The following SEMA6D variants were observed in gnomAD, a reference collection of about 807,000 sequenced individuals.
The protein encoded by SEMA6D is semaphorin-6D.
SEMA6D carries 35 observed loss-of-function variants against 106.6 expected under a neutral mutation model. The ratio of observed to expected loss-of-function variants is 0.33; its 90% confidence interval spans 0.25 to 0.44. The LOEUF (loss-of-function observed/expected upper bound fraction) is 0.44, where lower values mean the gene tolerates loss of function less well. SEMA6D is among the 20% of genes least tolerant of loss of function. The pLI, the probability that SEMA6D is intolerant of heterozygous loss-of-function variation, is 1.00. For synonymous variants in SEMA6D, 499 were observed against 487.7 expected (o/e 1.02, Z -0.31); for missense variants, 1,185 against 1,345.9 (o/e 0.88, Z 1.87).
intron 1 of SEMA6D, chr15:47,396,607 G>C (rs1465771877): frequency 1.3e-5 from 2 of 152,210 alleles, no homozygotes; most frequent in Non-Finnish European, 2.9e-5. Flanking sequence ...AGCCAGTCTA[G>C]TCCTTCCGCA....
chr15:47,689,420 G>A (rs1249349750), intron 4 of SEMA6D, among the ~76,000 whole-genome samples: 7 of 152,222 alleles, frequency 4.6e-5, no homozygotes, highest in Non-Finnish European at 8.8e-5. Flanking sequence ...ACACCAATGA[G>A]ATGGCAATAT....
At chr15:47,465,247 C>A (rs554936497) in intron 2 of SEMA6D, among the ~76,000 whole-genome samples, 1 of 152,228 alleles carries the variant, frequency 6.6e-6, no homozygotes, top group African/African-American at 2.4e-5. Flanking sequence ...TTGAAACATT[C>A]CTCATAAAAT....
chr15:47,397,622 A>ATTTTATTG (rs2040260009), intron 1 of SEMA6D: 1 of 152,146 alleles, frequency 6.6e-6, no homozygotes, highest in Non-Finnish European at 1.5e-5. Context: ...GTTAGAGGTG[A>ATTTTATTG]TTTTATTGTT....
At chr15:47,697,231 G>A (rs1039592051) in intron 4 of SEMA6D, among the ~76,000 whole-genome samples, 4 of 152,108 alleles carry the variant, frequency 2.6e-5, no homozygotes, top group African/African-American at 7.2e-5. Context: ...CAGGATGGAG[G>A]GCCCTGAATG....
At chr15:47,712,953 G>T (rs946147822), upstream of SEMA6D, among the ~76,000 whole-genome samples, 1 of 152,038 alleles carries the variant, frequency 6.6e-6, no homozygotes, top group Non-Finnish European at 1.5e-5. Flanking sequence ...CAAAAAGTTC[G>T]TTTTGCTTCT....
At chr15:47,478,301 G>T (rs550682336) in intron 3 of SEMA6D, among the ~76,000 whole-genome samples, 2 of 152,220 alleles carry the variant, frequency 1.3e-5, no homozygotes, top group African/African-American at 4.8e-5. Flanking sequence ...CTGTAGATGG[G>T]CAAAGAATGT....
intron 4 of SEMA6D, among the ~76,000 whole-genome samples, chr15:47,707,343 C>T (rs2078931777): frequency 6.6e-6 from 1 of 152,204 alleles, no homozygotes; most frequent in African/African-American, 2.4e-5. Flanking sequence ...ATCTACACCA[C>T]ACTAAGACCA....
chr15:47,325,031 G>C (rs1324764778), intron 1 of SEMA6D, among the ~76,000 whole-genome samples: 2 of 152,130 alleles, frequency 1.3e-5, no homozygotes, highest in African/African-American at 4.8e-5. Context: ...ATCCTTTGAT[G>C]AAAGTATCTT....
At chr15:47,573,541 G>A (rs983303272) in intron 3 of SEMA6D, among the ~76,000 whole-genome samples, 2 of 152,160 alleles carry the variant, frequency 1.3e-5, no homozygotes, top group Admixed American at 6.5e-5. Flanking sequence ...ATCCCATTTT[G>A]TTCATTCCCT....
intron 2 of SEMA6D, among the ~76,000 whole-genome samples, chr15:47,456,913 A>G (rs2042361699): frequency 1.3e-5 from 2 of 151,976 alleles, no homozygotes; most frequent in South Asian, 4.1e-4. Context: ...GGTCTCCATA[A>G]TGAGTGTTCC....
chr15:47,424,680 G>A (rs1431814209), intron 2 of SEMA6D, among the ~76,000 whole-genome samples: 3 of 152,168 alleles, frequency 2.0e-5, no homozygotes, highest in African/African-American at 7.2e-5. Context: ...TCCTACTGAT[G>A]TAGGTAGAAT....
chr15:47,760,927 T>G (rs755682710), intron 3 of SEMA6D, 51 bp from the exon 4 acceptor site: 1 of 1,499,252 alleles, frequency 6.7e-7, no homozygotes, highest in Admixed American at 1.8e-5. Context: ...GGAAGCAGCT[T>G]AACATTTTTA....
At chr15:47,436,156 G>A (rs975263479) in intron 2 of SEMA6D, among the ~76,000 whole-genome samples, 30 of 152,156 alleles carry the variant, frequency 2.0e-4, no homozygotes, top group African/African-American at 6.5e-4. Context: ...TTGGGAGGCC[G>A]AGGCAGGTGG....
Position 47,704,028 on chromosome 15 carries a change from C to G in SEMA6D, c.-54-55717C>G, listed in dbSNP as rs1372904408. 2.0e-5 allele frequency among the ~76,000 whole-genome samples: 3 copies of G among 152,200 alleles called. No homozygotes were observed. In the East Asian group the frequency reaches 5.8e-4, roughly 29 times the overall value. On this transcript the variant is annotated intron_variant, in intron 4 of 19. Coordinates refer to the SEMA6D transcript ENST00000558014. ...TGATATATAGCTTTACAGAGACACA[C>G]ATACATATGCGCTCATATATGCAGT...
At chr15:47,566,182 G>C (rs894765954) in intron 3 of SEMA6D, among the ~76,000 whole-genome samples, 3 of 152,212 alleles carry the variant, frequency 2.0e-5, no homozygotes, top group Admixed American at 6.5e-5. Context: ...GTCACTGTCA[G>C]CTCTGAAATG....
intron 3 of SEMA6D, among the ~76,000 whole-genome samples, chr15:47,538,217 C>G (rs1021772084): frequency 6.6e-6 from 1 of 152,026 alleles, no homozygotes; most frequent in African/African-American, 2.4e-5. Context: ...CAGGACATTC[C>G]TAATTACAGT....
At chr15:47,641,559 T>C (rs1030998955) in intron 4 of SEMA6D, among the ~76,000 whole-genome samples, 13 of 152,178 alleles carry the variant, frequency 8.5e-5, no homozygotes, top group African/African-American at 3.1e-4. Context: ...ACTGGGCTCT[T>C]CCAAAGGATC....
Position 47,766,624 on chromosome 15 carries a change from G to C in SEMA6D, c.1655G>C (p.Gly552Ala). 1 of 1,612,958 alleles carries C rather than the reference G, an allele frequency of 6.2e-7. No individual in the cohort carries two copies. Among genetic ancestry groups the C allele is most frequent in the South Asian group, 1.1e-5 (1 of 91,014 alleles). The change falls in exon 16 of 19, where the codon GGA becomes GCA. Residue 552 changes from glycine to alanine, a missense_variant. By Grantham distance (60) the Gly-to-Ala change is moderately conservative. This residue lies in a region of SEMA6D where 750 missense variants were observed against 783.5 expected (regional missense o/e 0.96). Coordinates refer to ENST00000536845, the MANE Select transcript of SEMA6D (RefSeq NM_001358351.3). ...GCTTTCCATAACCACAGTGCTGAAG[G>C]ATATGAACAAGACACAGAATTCGGC... ...GRVTPGMLAE[G>A]YEQDTEFGNT...
chr15:47,248,835 T>C (rs1459142631), intron 1 of SEMA6D, among the ~76,000 whole-genome samples: 1 of 152,164 alleles, frequency 6.6e-6, no homozygotes, highest in Non-Finnish European at 1.5e-5. Flanking sequence ...TTGGCTGGCT[T>C]TGGCTTTAGA....
Sources: allele counts gnomAD v4.1 joint callset (sites outside exome capture counted in the v4.1 genomes callset), GRCh38; gene constraint gnomAD v4.1.1; regional missense constraint gnomAD v4.1.1; transcripts MANE v1.5; gene names NCBI Gene and HGNC (gene_info 2026-07-23, HGNC 2026-07-21).